PCDH15: variants seen among roughly 807,000 people sequenced by gnomAD.
PCDH15 encodes protocadherin related 15, also known as protocadherin-15.
A neutral mutation model predicts 178.5 loss-of-function variants in PCDH15; 129 were observed. That is an observed-to-expected ratio of 0.72 (90% confidence interval 0.63 to 0.84). The LOEUF (loss-of-function observed/expected upper bound fraction) is 0.84. Among genes scored for constraint, PCDH15 ranks in the 40% least tolerant of loss-of-function variants. The pLI is 0.00. For synonymous variants in PCDH15, 800 were observed against 732.0 expected (o/e 1.09, Z -1.50); for missense variants, 2,230 against 2,099.9 (o/e 1.06, Z -1.21).
At chr10:55,101,619 A>C (rs962264970) in intron 2 of PCDH15, among the ~76,000 whole-genome samples, 6 of 151,834 alleles carry the variant, frequency 4.0e-5, no homozygotes, top group Admixed American at 6.6e-5. Flanking sequence ...CTGGCATATA[A>C]ATTTTTTAAA....
chr10:55,096,761 C>A (rs1395356162), intron 2 of PCDH15, among the ~76,000 whole-genome samples: 1 of 152,028 alleles, frequency 6.6e-6, no homozygotes, highest in African/African-American at 2.4e-5. Flanking sequence ...TGACTTATTT[C>A]ATGTAGCATA....
chr10:53,961,135 C>A (rs2088262693), intron 22 of PCDH15, among the ~76,000 whole-genome samples: 6 of 148,632 alleles, frequency 4.0e-5, no homozygotes, highest in Admixed American at 2.0e-4. Flanking sequence ...TAACAACAAT[C>A]AGTATTGAGT....
At chr10:55,352,345 C>T (rs1844959568) in intron 2 of PCDH15, among the ~76,000 whole-genome samples, 1 of 152,044 alleles carries the variant, frequency 6.6e-6, no homozygotes, top group South Asian at 2.1e-4. Flanking sequence ...GGTTGTAAAG[C>T]AGCAGAGACA....
At chr10:55,064,062 T>G (rs572837838) in intron 2 of PCDH15, among the ~76,000 whole-genome samples, 1 of 152,108 alleles carries the variant, frequency 6.6e-6, no homozygotes, top group Non-Finnish European at 1.5e-5. Flanking sequence ...GTTTCTACAG[T>G]TGTGAGAATC....
chr10:54,807,216 A>G (rs1393165680), intron 3 of PCDH15, among the ~76,000 whole-genome samples: 1 of 152,218 alleles, frequency 6.6e-6, no homozygotes, highest in East Asian at 1.9e-4. Context: ...GTTGTTGAAA[A>G]TTCTGAACAA....
intron 2 of PCDH15, among the ~76,000 whole-genome samples, chr10:55,080,495 T>C (rs2250775): frequency 0.42 from 63,903 of 151,956 alleles, 16,930 homozygotes; most frequent in African/African-American, 0.76. Flanking sequence ...AGTACAGAGG[T>C]CATGCTGTGT....
intron 18 of PCDH15, among the ~76,000 whole-genome samples, chr10:54,026,658 G>A (rs183332236): frequency 1.4e-3 from 213 of 152,226 alleles, no homozygotes; most frequent in Non-Finnish European, 2.1e-3. Context: ...ACTGATTTGC[G>A]TATATTGAAC....
intron 3 of PCDH15, among the ~76,000 whole-genome samples, chr10:54,861,923 GCTGCTAGGTAAATACAC>G (rs1380899641): frequency 2.0e-5 from 3 of 152,168 alleles, no homozygotes; most frequent in Non-Finnish European, 4.4e-5. Context: ...AGTGCATAGA[GCTGCTAGGTAAATACAC>G]CTTCAGTTAA....
chr10:55,268,431 A>G (rs550388486), intron 1 of PCDH15, among the ~76,000 whole-genome samples: 4 of 152,330 alleles, frequency 2.6e-5, no homozygotes, highest in Admixed American at 6.5e-5. Flanking sequence ...CAACATATCC[A>G]AAGTGATTTC....
intron 26 of PCDH15, among the ~76,000 whole-genome samples, chr10:53,879,803 C>T (rs759861671): frequency 4.6e-5 from 7 of 152,146 alleles, no homozygotes; most frequent in Non-Finnish European, 1.0e-4. Flanking sequence ...CAAGGTTTTG[C>T]CATGTTGGCC....
intron 2 of PCDH15, among the ~76,000 whole-genome samples, chr10:54,584,081 A>G (rs2091269460): frequency 1.3e-5 from 2 of 152,140 alleles, no homozygotes; most frequent in Non-Finnish European, 2.9e-5. Flanking sequence ...CAATCACCTC[A>G]TTATTACATA....
At chr10:55,463,989 AAGAGAAAGAAAGAAAGAAAGAAAGAAAG>A (rs1839762740) in intron 2 of PCDH15, among the ~76,000 whole-genome samples, 2 of 17,296 alleles carry the variant, frequency 1.2e-4, no homozygotes, top group African/African-American at 5.1e-4. Context: ...GAAAGAAAGA[AAGAGAAAGAAAGAAAGAAAGAAAGAAAG>A]AAAGAAAGAA....
chr10:55,275,741 TC>T (rs1842578334), intron 1 of PCDH15, among the ~76,000 whole-genome samples: 2 of 151,376 alleles, frequency 1.3e-5, no homozygotes, highest in Admixed American at 1.3e-4. Context: ...TTGTTTCATT[TC>T]ACTCTCTGAA....
chr10:53,825,533 G>GTAGAT (rs1271817421), intron 32 of PCDH15, among the ~76,000 whole-genome samples: 1 of 151,614 alleles, frequency 6.6e-6, no homozygotes, highest in Non-Finnish European at 1.5e-5. Flanking sequence ...GACTTTTAAA[G>GTAGAT]TAGATATATT....
chr10:55,494,468 A>C (rs910564057), intron 2 of PCDH15, among the ~76,000 whole-genome samples: 2 of 151,750 alleles, frequency 1.3e-5, no homozygotes, highest in African/African-American at 2.4e-5. Flanking sequence ...TTGAATTTAC[A>C]TCTGCCATTT....
chr10:55,429,303 G>A (rs184128457), intron 2 of PCDH15, among the ~76,000 whole-genome samples: 18 of 152,114 alleles, frequency 1.2e-4, no homozygotes, highest in East Asian at 9.7e-4. Context: ...GGTCTAAAAC[G>A]TCATTGTTCC....
chr10:55,273,822 C>T (rs1470345968), intron 1 of PCDH15, among the ~76,000 whole-genome samples: 1 of 151,960 alleles, frequency 6.6e-6, no homozygotes, highest in Admixed American at 6.6e-5. Context: ...AAGCATATAA[C>T]CTATTATATT....
At chr10:55,484,582 G>A (rs965444433) in intron 2 of PCDH15, among the ~76,000 whole-genome samples, 1 of 151,686 alleles carries the variant, frequency 6.6e-6, no homozygotes, top group Non-Finnish European at 1.5e-5. Flanking sequence ...ACCCCAGATA[G>A]CCAAAGCAGC....
At chr10:54,025,232 A>T (rs905497876) in intron 18 of PCDH15, among the ~76,000 whole-genome samples, 4 of 152,206 alleles carry the variant, frequency 2.6e-5, no homozygotes, top group African/African-American at 7.2e-5. Context: ...CCCATAGCAA[A>T]TTATCACAAA....
Sources: gnomAD v4.1 joint callset for allele counts (sites outside exome capture counted in the v4.1 genomes callset) on GRCh38, gnomAD v4.1.1 for gene constraint, MANE v1.5 for transcripts, NCBI Gene and HGNC (gene_info 2026-07-23, HGNC 2026-07-21) for gene names.